SLC27A1: variants seen among roughly 807,000 people sequenced by gnomAD.
SLC27A1 encodes the protein solute carrier family 27 member 1, also known as long-chain fatty acid transport protein 1.
Under a neutral mutation model 62.2 loss-of-function variants are expected in SLC27A1, and 61 were observed. The observed-to-expected ratio is 0.98, with a 90% CI of 0.80 to 1.21. The LOEUF is 1.21. Ranked by LOEUF, SLC27A1 falls within the 50% of genes most tolerant of loss-of-function variation. SLC27A1 has a pLI of 0.00. For missense variants in SLC27A1, 903 were observed against 932.1 expected, an observed-to-expected ratio of 0.97 and a Z score of 0.41; for synonymous variants, 435 against 408.6, an observed-to-expected ratio of 1.06 and a Z score of -0.78.
In SLC27A1 at chr19:17,487,445, C is replaced by G. The variant is rs756069940; in HGVS notation, c.725-15C>G. 1 of 1,605,270 alleles carries G rather than the reference C, an allele frequency of 6.2e-7. No homozygotes were observed. ...AATGCTCAGGCCCCACCCCTAACAC[C>G]TGTATCTCCTGCAGATCGTCTTTTC... On this transcript the variant is annotated splice_polypyrimidine_tract_variant and intron_variant, in intron 3 of 11. Transcript: ENST00000252595.
At chr19:17,482,783 G>C (rs2144564558) in intron 1 of SLC27A1, among the ~76,000 whole-genome samples, 1 of 152,128 alleles carries the variant, frequency 6.6e-6, no homozygotes, top group African/African-American at 2.4e-5. Flanking sequence ...CAGAGTTCAT[G>C]CTTCTGCAAC....
rs1399776387 is a variant in SLC27A1 at position 17,505,168 on chromosome 19, A to T, written c.*556A>T. On this transcript the variant is annotated 3_prime_UTR_variant, in exon 12 of 12. Transcript: ENST00000252595. ...CTCGGCCTCCCAGAGTGCTGGGATT[A>T]TAGGCGTGAGCCTCTGGCCCGGCCT... is the stretch of plus-strand genomic sequence containing the variant. 1 of 327,636 alleles carries T rather than the reference A, an allele frequency of 3.1e-6. No individual in the cohort carries two copies. The highest frequency in any genetic ancestry group is 6.0e-6 in the Non-Finnish European group (1 of 168,048). The allele number at this position is 327,636 out of a possible 1,614,324, so 20.3% of individuals were successfully genotyped here.
chr19:17,485,220 T>C (rs2075217517), intron 1 of SLC27A1, among the ~76,000 whole-genome samples: 1 of 135,362 alleles, frequency 7.4e-6, no homozygotes, highest in African/African-American at 2.6e-5. Flanking sequence ...GATGGAGTCT[T>C]GCTCTTTGGC....
intron 6 of SLC27A1, among the ~76,000 whole-genome samples, chr19:17,494,423 G>A (rs1349216851): frequency 6.6e-6 from 1 of 151,838 alleles, no homozygotes; most frequent in Non-Finnish European, 1.5e-5. Context: ...CACCTCCTGG[G>A]TTCAGGTGAT....
chr19:17,485,113 C>T (rs2075215323), intron 1 of SLC27A1, among the ~76,000 whole-genome samples: 1 of 151,858 alleles, frequency 6.6e-6, no homozygotes, highest in Admixed American at 6.6e-5. Flanking sequence ...ATTTCTCCAG[C>T]TTCTCAACCA....
chr19:17,501,261 C>T lies in SLC27A1; in HGVS notation c.1637-12C>T, dbSNP rs1476383894. 1 of 1,612,100 alleles carries T rather than the reference C, an allele frequency of 6.2e-7. No homozygotes were observed. Among genetic ancestry groups the T allele is most frequent in the East Asian group, 2.2e-5 (1 of 44,870 alleles). On this transcript the variant is annotated splice_polypyrimidine_tract_variant and intron_variant, in intron 10 of 11. Transcript: ENST00000252595. ...AGAGGCGGGGTGTCCTCAGCTGAGC[C>T]TCTGCCTCCAGGAGTGGAGGGTAAG... is the stretch of plus-strand genomic sequence containing the variant.
At chr19:17,487,049 G>A in intron 2 of SLC27A1, 92 bp downstream of exon 2, 1 of 1,550,598 alleles carries the variant, frequency 6.4e-7, no homozygotes, top group Non-Finnish European at 8.7e-7. Flanking sequence ...TCGGAAGGCG[G>A]CCGCCCTGGA....
chr19:17,504,307 G>A, intron 11 of SLC27A1, 148 bp from the exon 12 acceptor site: 2 of 967,710 alleles, frequency 2.1e-6, no homozygotes, highest in South Asian at 1.5e-5. Flanking sequence ...TGACAGACAA[G>A]GGGGAATCAG....
At chr19:17,470,466 GC>G, upstream of SLC27A1, 1 of 1,404,864 alleles carries the variant, frequency 7.1e-7, no homozygotes, top group Non-Finnish European at 9.2e-7. Context: ...AGAGGCGGGG[GC>G]GGTCGTGGGG....
chr19:17,470,678 C>T lies in SLC27A1; in HGVS notation c.138C>T (p.Ile46=), dbSNP rs748781824. ...GCGGCGGCTGGCGCTTCCTGCGCAT[C>T]GTCTGCAAGACCGCGAGGCGAGACC... ...VGSGGWRFLR[I]VCKTARRDLF... is the part of the protein sequence containing the mutation. Residue 46 remains isoleucine (I), a synonymous_variant, in exon 1 of 12, where the codon ATC becomes ATT. Coordinates refer to ENST00000252595, the MANE Select transcript of SLC27A1 (RefSeq NM_198580.3). 1.3e-6 allele frequency: 2 copies of T among 1,581,034 alleles called. No individual in the cohort carries two copies. Among genetic ancestry groups the T allele is most frequent in the East Asian group, 2.3e-5 (1 of 43,614 alleles).
chr19:17,501,250 C>G (rs1254520505), intron 10 of SLC27A1, 23 bp from the exon 11 acceptor site: 1 of 1,610,384 alleles, frequency 6.2e-7, no homozygotes, highest in Non-Finnish European at 8.5e-7. Flanking sequence ...GCGGGGTGTC[C>G]TCAGCTGAGC....
In SLC27A1 at chr19:17,477,459, G is replaced by A. The variant is rs144488376; in HGVS notation, c.167+6752G>A. Among the ~76,000 whole-genome samples, 1,128 of 150,884 alleles carry A rather than the reference G, an allele frequency of 7.5e-3. 12 individuals carry two copies. The highest frequency in any genetic ancestry group is 0.026 in the African/African-American group (1,073 of 41,012). On this transcript the variant is annotated intron_variant, in intron 1 of 11. Coordinates refer to ENST00000252595, the MANE Select transcript of SLC27A1 (RefSeq NM_198580.3). Reference sequence around the variant, plus strand: ...GGGTTTCATCATGTTGACCAGGGTGGTCTCAAACTCCTGACCTCAGGTGAT... The same window carrying A: ...GGGTTTCATCATGTTGACCAGGGTGATCTCAAACTCCTGACCTCAGGTGAT...
At chr19:17,497,807 G>A (rs2075366891) in intron 7 of SLC27A1, 3 of 305,896 alleles carry the variant, frequency 9.8e-6, no homozygotes, top group Non-Finnish European at 1.8e-5. Context: ...GTACCGTGCT[G>A]TTATTTTGTT....
chr19:17,484,580 CAAAAA>C (rs949114020), intron 1 of SLC27A1, among the ~76,000 whole-genome samples: 1 of 146,234 alleles, frequency 6.8e-6, no homozygotes, highest in Non-Finnish European at 1.5e-5. Context: ...GACCCTGTCT[CAAAAA>C]AAAAGTACTG....
chr19:17,487,381 C>T (rs766514923), intron 3 of SLC27A1, 46 bp downstream of exon 3: 4 of 1,545,468 alleles, frequency 2.6e-6, no homozygotes, highest in Non-Finnish European at 3.5e-6. Flanking sequence ...GTTTCCTACC[C>T]GCCCAGGCCC....
chr19:17,500,272 T>A lies in SLC27A1; in HGVS notation c.1207-6T>A, dbSNP rs1208074992. ...GCTCCTTCCAACTCAGTTCACCCCA[T>A]TCCAGGTCGGCTCCTGTGGTTTCAA... On this transcript the variant is annotated splice_polypyrimidine_tract_variant and splice_region_variant and intron_variant, in intron 7 of 11. Transcript: ENST00000252595. 1 of 1,613,508 alleles carries A rather than the reference T, an allele frequency of 6.2e-7. No individual in the cohort carries two copies. Among genetic ancestry groups the A allele is most frequent in the Non-Finnish European group, 8.5e-7 (1 of 1,179,698 alleles).
chr19:17,469,286 A>G (rs2075050444), upstream of SLC27A1, among the ~76,000 whole-genome samples: 1 of 152,100 alleles, frequency 6.6e-6, no homozygotes, highest in Non-Finnish European at 1.5e-5. Flanking sequence ...CTGAGGCCCC[A>G]ATGGTGTGAG....
intron 2 of SLC27A1, 30 bp from the exon 3 acceptor site, chr19:17,487,144 T>C: frequency 6.2e-7 from 1 of 1,613,546 alleles, no homozygotes; most frequent in Non-Finnish European, 8.5e-7. Flanking sequence ...TGTCCGGCGG[T>C]GACCATGACC....
chr19:17,500,388 C>T lies in SLC27A1; in HGVS notation c.1317C>T (p.Cys439=), dbSNP rs2075396961. 1.9e-6 allele frequency: 3 copies of T among 1,613,836 alleles called. No individual in the cohort carries two copies. The African/African-American group carries it at 4.0e-5, about 22-fold the overall frequency. ...MELLRDAQGL[C]IPCQAGEPGL... ...TGCTGCGGGATGCCCAGGGCCTCTG[C>T]ATCCCCTGCCAGGCCGGTGAGCAGG... The change falls in exon 8 of 12, where the codon TGC becomes TGT. Residue 439 remains cysteine, a synonymous_variant. Transcript: ENST00000252595.
Sources: allele counts gnomAD v4.1 joint callset (sites outside exome capture counted in the v4.1 genomes callset), GRCh38; gene constraint gnomAD v4.1.1; transcripts MANE v1.5; gene names NCBI Gene and HGNC (gene_info 2026-07-23, HGNC 2026-07-21).